CDH12: variants seen among roughly 807,000 people sequenced by gnomAD.
CDH12 encodes cadherin-12.
A neutral mutation model predicts 74.1 loss-of-function variants in CDH12; 41 were observed. That is an observed-to-expected ratio of 0.55 (90% confidence interval 0.43 to 0.72). CDH12 has a LOEUF of 0.72. CDH12 is among the 30% of genes least tolerant of loss of function. The pLI, the probability that CDH12 is intolerant of heterozygous loss-of-function variation, is 0.00. For synonymous variants in CDH12, 399 were observed against 355.0 expected, an observed-to-expected ratio of 1.12 and a Z score of -1.39; for missense variants, 945 against 977.2, an observed-to-expected ratio of 0.97 and a Z score of 0.44.
chr5:22,384,785 C>A (rs935224768), intron 3 of CDH12, among the ~76,000 whole-genome samples: 1 of 151,862 alleles, frequency 6.6e-6, no homozygotes, highest in Non-Finnish European at 1.5e-5. Flanking sequence ...CAAATTAGAG[C>A]GACTAAATTT....
intron 1 of CDH12, among the ~76,000 whole-genome samples, chr5:22,705,871 G>C (rs1742982165): frequency 6.6e-6 from 1 of 151,444 alleles, no homozygotes; most frequent in Non-Finnish European, 1.5e-5. Context: ...ATATTCTAAT[G>C]GTATACTTAT....
intron 6 of CDH12, among the ~76,000 whole-genome samples, chr5:21,880,535 T>TTTCCTTCCTTCC (rs750768178): frequency 0.045 from 1,405 of 31,434 alleles, 415 homozygotes; most frequent in Middle Eastern, 0.18. Context: ...TCTTCCTTCT[T>TTTCCTTCCTTCC]TTCCTTCCTT....
At chr5:22,489,049 G>T in intron 2 of CDH12, among the ~76,000 whole-genome samples, 1 of 41,352 alleles carries the variant, frequency 2.4e-5, no homozygotes, top group Admixed American at 3.3e-4. Context: ...CAGTTTTTTG[G>T]TACCACCTTT....
chr5:21,786,088 T>G (rs1746182386), intron 10 of CDH12, among the ~76,000 whole-genome samples: 1 of 152,180 alleles, frequency 6.6e-6, no homozygotes, highest in African/African-American at 2.4e-5. Context: ...CTAAATCTAC[T>G]CTGCCTGTTG....
intron 1 of CDH12, among the ~76,000 whole-genome samples, chr5:22,622,582 T>G (rs187990489): frequency 6.6e-6 from 1 of 152,132 alleles, no homozygotes; most frequent in Admixed American, 6.5e-5. Context: ...AAGAAATGGA[T>G]GAATTCCTGG....
At chr5:21,882,186 T>C (rs1463322525) in intron 6 of CDH12, among the ~76,000 whole-genome samples, 1 of 152,220 alleles carries the variant, frequency 6.6e-6, no homozygotes, top group Non-Finnish European at 1.5e-5. Context: ...AATTAAGCAA[T>C]GATGCATCAT....
intron 1 of CDH12, among the ~76,000 whole-genome samples, chr5:22,663,062 A>G (rs1416679131): frequency 6.6e-6 from 1 of 152,186 alleles, no homozygotes; most frequent in Non-Finnish European, 1.5e-5. Context: ...TACTCTGTAA[A>G]TCTAGCCAGA....
intron 3 of CDH12, among the ~76,000 whole-genome samples, chr5:22,381,614 T>C (rs975664943): frequency 7.2e-5 from 11 of 152,044 alleles, no homozygotes; most frequent in African/African-American, 1.4e-4. Flanking sequence ...ATTTTCTTTC[T>C]GAGTAAAGTT....
intron 6 of CDH12, among the ~76,000 whole-genome samples, chr5:21,880,469 TC>T (rs1390689621): frequency 6.2e-5 from 1 of 16,250 alleles, no homozygotes; most frequent in African/African-American, 8.1e-5. Context: ...CTTCCTTCTT[TC>T]CTTCCTTCCT....
intron 4 of CDH12, among the ~76,000 whole-genome samples, chr5:22,174,319 T>C (rs934670889): frequency 6.6e-6 from 1 of 151,938 alleles, no homozygotes; most frequent in African/African-American, 2.4e-5. Flanking sequence ...AAATAAAACT[T>C]GCTTCAAATT....
intron 1 of CDH12, among the ~76,000 whole-genome samples, chr5:22,753,720 A>G (rs1745728232): frequency 6.6e-6 from 1 of 151,802 alleles, no homozygotes; most frequent in South Asian, 2.1e-4. Flanking sequence ...ACAAACACAC[A>G]TACATATATA....
At chr5:21,813,819 T>C (rs1484184808) in intron 9 of CDH12, among the ~76,000 whole-genome samples, 1 of 152,182 alleles carries the variant, frequency 6.6e-6, no homozygotes. Context: ...CACTGTAAGA[T>C]ACCCTCCACC....
In CDH12 at chr5:21,817,104, A is replaced by G. The variant is rs369293815; in HGVS notation, c.843T>C (p.Ser281=). 2.5e-6 allele frequency: 4 copies of G among 1,611,650 alleles called. No individual in the cohort carries two copies. The South Asian group carries it at 3.3e-5, about 13-fold the overall frequency. Residue 281 remains serine (S), a synonymous_variant, in exon 9 of 15, where the codon TCT becomes TCC. Transcript: ENST00000382254. ...TTCCAATAGCTGAACCAATAGGGGA[A>G]GACTCAGGAACTTTCAAGTGGAAGA... ...KSIFHLKVPE[S]SPIGSAIGRI... is the part of the protein sequence containing the mutation.
At chr5:22,847,185 G>A (rs1286294884) in intron 1 of CDH12, among the ~76,000 whole-genome samples, 2 of 152,030 alleles carry the variant, frequency 1.3e-5, no homozygotes, top group Non-Finnish European at 2.9e-5. Flanking sequence ...TCTTTTACTT[G>A]AGAAATTTAT....
At chr5:22,240,864 G>A (rs1381817327) in intron 3 of CDH12, among the ~76,000 whole-genome samples, 1 of 152,028 alleles carries the variant, frequency 6.6e-6, no homozygotes, top group African/African-American at 2.4e-5. Flanking sequence ...AACAATTTGA[G>A]AGCAGTTATT....
chr5:21,880,489 TCCTTCCTTCCTTCCTC>T lies in CDH12; in HGVS notation c.527-25715_527-25700del, dbSNP rs1344539943. 5.9e-3 allele frequency among the ~76,000 whole-genome samples: 276 copies of T among 46,970 alleles called. 5 individuals carry two copies. Among genetic ancestry groups the T allele is most frequent in the Middle Eastern group, 0.039 (3 of 76 alleles). The allele number at this position is 46,970 out of a possible 152,430, so 30.8% of individuals were successfully genotyped here. Reference sequence around the variant, plus strand: ...TTCTTTCCTTCCTTCCTTCCTTCCTTCCTTCCTTCCTTCCTCCCTCCCTCCCTCTTTTCTTTCTTCC... The same window carrying T: ...TTCTTTCCTTCCTTCCTTCCTTCCTTCCTCCCTCCCTCTTTTCTTTCTTCC... On this transcript the variant is annotated intron_variant, in intron 6 of 14. Coordinates refer to ENST00000382254, the MANE Select transcript of CDH12 (RefSeq NM_004061.5).
chr5:22,705,130 T>TATATATATACACAC lies in CDH12; in HGVS notation c.-523+147927_-523+147928insGTGTGTATATATAT, dbSNP rs752782183. Among the ~76,000 whole-genome samples the TATATATATACACAC allele has an allele frequency of 3.2e-3, 396 of 125,606 alleles. 2 individuals carry two copies. Among genetic ancestry groups the TATATATATACACAC allele is most frequent in the African/African-American group, 8.8e-3 (290 of 32,784 alleles). 82.4% of individuals were successfully genotyped at this position (125,606 alleles called of 152,430 possible). A position where few individuals can be genotyped will look rare whatever the true frequency, so the allele number is the denominator to read the frequency against. Reference sequence around the variant, plus strand: ...CCCCACCCAGTCATATATATATATATACACACACACACACACACACACACA... The same window carrying TATATATATACACAC: ...CCCCACCCAGTCATATATATATATATATATATATACACACACACACACACACACACACACACACA... On this transcript the variant is annotated intron_variant, in intron 1 of 14. Transcript: ENST00000382254.
chr5:22,532,069 G>A (rs935350091), intron 1 of CDH12, among the ~76,000 whole-genome samples: 5 of 151,934 alleles, frequency 3.3e-5, no homozygotes, highest in Non-Finnish European at 5.9e-5. Flanking sequence ...CAAGTCACAT[G>A]GAGCTGCATA....
At chr5:22,740,147 A>G (rs773959951) in intron 1 of CDH12, among the ~76,000 whole-genome samples, 35 of 152,098 alleles carry the variant, frequency 2.3e-4, no homozygotes, top group Non-Finnish European at 4.4e-4. Flanking sequence ...GTTGGTATGA[A>G]CACTCCTTAC....
Sources: allele counts gnomAD v4.1 joint callset (sites outside exome capture counted in the v4.1 genomes callset), GRCh38; gene constraint gnomAD v4.1.1; transcripts MANE v1.5; gene names NCBI Gene and HGNC (gene_info 2026-07-23, HGNC 2026-07-21).